The following ZNF57 variants were observed in gnomAD, a reference collection of about 807,000 sequenced individuals.
ZNF57 encodes the protein zinc finger protein 424.
ZNF57 carries 11 observed loss-of-function variants against 13.4 expected under a neutral mutation model. That is an observed-to-expected ratio of 0.82 (90% confidence interval 0.52 to 1.36). ZNF57 has a LOEUF of 1.36. Ranked by LOEUF, ZNF57 falls within the 40% of genes most tolerant of loss-of-function variation. The pLI, the probability that ZNF57 is intolerant of heterozygous loss-of-function variation, is 0.00. For synonymous variants in ZNF57, 224 were observed against 238.5 expected (o/e 0.94, Z 0.56); for missense variants, 696 against 667.5 (o/e 1.04, Z -0.47).
intron 1 of ZNF57, among the ~76,000 whole-genome samples, chr19:2,914,950 C>T (rs1784337979): frequency 6.6e-6 from 1 of 152,120 alleles, no homozygotes; most frequent in Admixed American, 6.6e-5. Flanking sequence ...GCTTTCCAAA[C>T]ATATTCATAC....
intron 1 of ZNF57, among the ~76,000 whole-genome samples, chr19:2,914,615 T>C (rs1325486423): frequency 1.3e-5 from 2 of 152,196 alleles, no homozygotes; most frequent in Non-Finnish European, 2.9e-5. Flanking sequence ...AACTTTTTAC[T>C]GTTTGTTGGT....
intron 1 of ZNF57, among the ~76,000 whole-genome samples, chr19:2,902,062 T>C (rs2088034969): frequency 6.8e-6 from 1 of 147,680 alleles, no homozygotes; most frequent in South Asian, 2.1e-4. Context: ...GGACGTATCG[T>C]ACAAAGTACA....
intron 1 of ZNF57, among the ~76,000 whole-genome samples, chr19:2,907,353 C>G (rs537576177): frequency 2.6e-5 from 4 of 152,224 alleles, no homozygotes; most frequent in African/African-American, 9.6e-5. Flanking sequence ...CTGGAAAGTT[C>G]TGCAGCAGGC....
rs531645223 is a variant in ZNF57, at chr19:2,917,782, G to T, written c.1161G>T (p.Thr387=). 8 of 1,601,942 alleles carry T rather than the reference G, an allele frequency of 5.0e-6. No individual in the cohort carries two copies. The highest frequency in any genetic ancestry group is 3.4e-5 in the Admixed American group (2 of 59,198). ...TTAGAGAACATGTGAGAATTCACAC[G>T]CAAGAGCAGCTCTATAAATGTGAAC... The part of the protein sequence containing the change: ...STFREHVRIH[T]QEQLYKCEQC... Residue 387 remains threonine (T), a synonymous_variant, in exon 4 of 4, where the codon ACG becomes ACT. Coordinates refer to ENST00000306908, the MANE Select transcript of ZNF57 (RefSeq NM_173480.3).
chr19:2,917,321 A>C lies in ZNF57; in HGVS notation c.700A>C (p.Asn234His). 1 of 1,614,156 alleles carries C rather than the reference A, an allele frequency of 6.2e-7. No homozygotes were observed. Among genetic ancestry groups the C allele is most frequent in the Non-Finnish European group, 8.5e-7 (1 of 1,179,982 alleles). Residue 234 changes from asparagine to histidine, a missense_variant, in exon 4 of 4, where the codon AAT becomes CAT. By Grantham distance (68) the Asn-to-His change is moderately conservative. Around this residue, in one of 3 missense-constraint regions of ZNF57, gnomAD observed 645 missense variants for 591.5 expected, o/e 1.09. Coordinates refer to ENST00000306908, the MANE Select transcript of ZNF57 (RefSeq NM_173480.3). ...ATGCGAGCAGTGTCGGATGGCGTTT[A>C]ATGGGTTCGCAAGCTTCACTAGACA... ...YKCEQCRMAFNGFASFTRHVR... is the reference protein window; with the variant it reads ...YKCEQCRMAFHGFASFTRHVR...
chr19:2,915,704 CA>C (rs1353785098), intron 2 of ZNF57, 56 bp downstream of exon 2: 1 of 1,611,482 alleles, frequency 6.2e-7, no homozygotes, highest in African/African-American at 1.3e-5. Flanking sequence ...TCTTTCTCAT[CA>C]GTTCTGTTGC....
intron 1 of ZNF57, among the ~76,000 whole-genome samples, chr19:2,902,039 A>T (rs772086083): frequency 7.9e-5 from 12 of 151,676 alleles, no homozygotes; most frequent in Non-Finnish European, 1.6e-4. Context: ...GGGTACATTC[A>T]CAAGGGCGAG....
intron 1 of ZNF57, among the ~76,000 whole-genome samples, chr19:2,911,464 C>G (rs2088134965): frequency 6.6e-6 from 1 of 151,822 alleles, no homozygotes; most frequent in African/African-American, 2.4e-5. Context: ...ACCCGAGAGG[C>G]AGAGGTTGCA....
chr19:2,915,473 T>G, intron 1 of ZNF57, 49 bp from the exon 2 acceptor site: 1 of 1,595,302 alleles, frequency 6.3e-7, no homozygotes, highest in Non-Finnish European at 8.6e-7. Context: ...AGTTCCCCAG[T>G]ACTTTCAGTG....
At position 2,904,031 on chromosome 19, in the gene ZNF57, T is replaced by C. The variant is rs60898207; in HGVS notation, c.3+2983T>C. The stretch of plus-strand genomic sequence containing the variant: ...CGCCCGGCCCATTCCTGGCTAATTT[T>C]TATATTTTTTTGTAGAGACGGGGGG... On this transcript the variant is annotated intron_variant, in intron 1 of 3. Transcript: ENST00000306908. 6.6e-3 allele frequency among the ~76,000 whole-genome samples: 1,002 copies of C among 152,262 alleles called. 10 individuals carry two copies. Among genetic ancestry groups the C allele is most frequent in the African/African-American group, 0.023 (954 of 41,544 alleles).
Position 2,917,677 on chromosome 19 carries a change from A to T in ZNF57, c.1056A>T (p.Gln352His). Residue 352 changes from glutamine (Q) to histidine (H), a missense_variant, in exon 4 of 4, where the codon CAA becomes CAT. By Grantham distance (24) the Gln-to-His change is conservative. This residue lies in a region of ZNF57 where 645 missense variants were observed against 591.5 expected (regional missense o/e 1.09). Transcript: ENST00000306908. Reference protein sequence around the residue: ...GKAFTSSRSFQGHLRTHTGEK... With the variant: ...GKAFTSSRSFHGHLRTHTGEK... ...CTTTTACCTCTTCCAGATCATTCCA[A>T]GGTCATTTGAGGACGCACACTGGAG... The T allele has an allele frequency of 1.2e-6, 2 of 1,613,976 alleles. No homozygotes were observed. Among genetic ancestry groups the T allele is most frequent in the Non-Finnish European group, 1.7e-6 (2 of 1,179,954 alleles).
chr19:2,915,832 C>T (rs541074110), intron 2 of ZNF57, 184 bp downstream of exon 2: 3 of 1,139,790 alleles, frequency 2.6e-6, no homozygotes, highest in African/African-American at 3.1e-5. Context: ...TTATTTCTGT[C>T]TTGGTTTAAA....
chr19:2,903,203 T>C (rs2088043710), intron 1 of ZNF57, among the ~76,000 whole-genome samples: 1 of 152,138 alleles, frequency 6.6e-6, no homozygotes, highest in Admixed American at 6.6e-5. Context: ...AGCAGTGGGT[T>C]TAGTTTATGC....
chr19:2,909,328 T>C (rs532033626), intron 1 of ZNF57, among the ~76,000 whole-genome samples: 1,038 of 83,284 alleles, frequency 0.012, 33 homozygotes, highest in African/African-American at 0.039. Context: ...TCGCCCAGGC[T>C]GGAGTGCAGT....
chr19:2,906,350 G>T (rs974785979), intron 1 of ZNF57, among the ~76,000 whole-genome samples: 1 of 152,212 alleles, frequency 6.6e-6, no homozygotes, highest in Non-Finnish European at 1.5e-5. Context: ...CATGGTGCCC[G>T]GCCCTGAGTG....
At chr19:2,908,782 C>G (rs564363098) in intron 1 of ZNF57, among the ~76,000 whole-genome samples, 1 of 152,192 alleles carries the variant, frequency 6.6e-6, no homozygotes, top group Non-Finnish European at 1.5e-5. Flanking sequence ...ACGAAGAAAC[C>G]CCCAGACCCT....
intron 3 of ZNF57, 196 bp downstream of exon 3, chr19:2,916,445 G>A (rs528388909): frequency 1.3e-4 from 66 of 489,982 alleles, no homozygotes; most frequent in South Asian, 1.3e-3. Context: ...GGGCGCGATG[G>A]CTCACGCCTG....
intron 2 of ZNF57, 87 bp from the exon 3 acceptor site, chr19:2,915,991 G>A: frequency 1.4e-6 from 2 of 1,410,390 alleles, no homozygotes; most frequent in East Asian, 4.6e-5. Context: ...TATTGATGAG[G>A]TCCTCAAAAT....
chr19:2,908,451 TA>T (rs897452190), intron 1 of ZNF57, among the ~76,000 whole-genome samples: 2 of 131,540 alleles, frequency 1.5e-5, no homozygotes, highest in Admixed American at 1.9e-4. Flanking sequence ...TTGTTGTTGT[TA>T]TTTTTTTGGT....
Sources: gnomAD v4.1 joint callset for allele counts (sites outside exome capture counted in the v4.1 genomes callset) on GRCh38, gnomAD v4.1.1 for gene constraint, gnomAD v4.1.1 regional missense constraint, MANE v1.5 for transcripts, NCBI Gene and HGNC (gene_info 2026-07-23, HGNC 2026-07-21) for gene names.